STPG2: variants seen among roughly 807,000 people sequenced by gnomAD.
STPG2 encodes sperm tail PG-rich repeat containing 2.
STPG2 carries 56 observed loss-of-function variants against 54.2 expected under a neutral mutation model. That is an observed-to-expected ratio of 1.03 (90% CI 0.83 to 1.29). The LOEUF is 1.29. Among genes scored for constraint, STPG2 ranks in the 50% most tolerant of loss-of-function variants. STPG2 has a pLI of 0.00. For synonymous variants in STPG2, 200 were observed against 181.8 expected (o/e 1.10, Z -0.81); for missense variants, 596 against 544.9 (o/e 1.09, Z -0.93).
At chr4:97,958,077 G>A (rs539633363) in intron 7 of STPG2, among the ~76,000 whole-genome samples, 1 of 152,212 alleles carries the variant, frequency 6.6e-6, no homozygotes, top group Admixed American at 6.5e-5. Context: ...GGGAGGCAGA[G>A]GGGGGACAGA....
At chr4:97,486,827 G>GTATATA (rs773650944) in intron 4 of STPG2, among the ~76,000 whole-genome samples, 38 of 130,904 alleles carry the variant, frequency 2.9e-4, no homozygotes, top group African/African-American at 1.0e-3. Context: ...GTGTGTGTGT[G>GTATATA]TGTATATATA....
intron 10 of STPG2, among the ~76,000 whole-genome samples, chr4:97,575,525 T>G (rs1321856109): frequency 6.6e-6 from 1 of 152,098 alleles, no homozygotes; most frequent in Non-Finnish European, 1.5e-5. Flanking sequence ...AAAAACCACA[T>G]GATCATCTCA....
chr4:97,602,978 T>G (rs771618239), intron 10 of STPG2, among the ~76,000 whole-genome samples: 25 of 151,694 alleles, frequency 1.6e-4, no homozygotes, highest in Non-Finnish European at 8.9e-5. Context: ...ACAGTTTACA[T>G]TAAATTAGTT....
chr4:97,751,229 T>G (rs1302216596), intron 9 of STPG2, among the ~76,000 whole-genome samples: 1 of 151,842 alleles, frequency 6.6e-6, no homozygotes, highest in African/African-American at 2.4e-5. Context: ...TGTGCCTAGT[T>G]CCTCCTGGAT....
intron 3 of STPG2, among the ~76,000 whole-genome samples, chr4:98,117,813 G>A (rs1739564976): frequency 6.6e-6 from 1 of 151,780 alleles, no homozygotes; most frequent in Admixed American, 6.6e-5. Context: ...CTCTCTATTG[G>A]GTAAGGCACT....
At chr4:98,051,417 G>A (rs1221532714) in intron 5 of STPG2, among the ~76,000 whole-genome samples, 2 of 151,990 alleles carry the variant, frequency 1.3e-5, no homozygotes, top group African/African-American at 4.8e-5. Flanking sequence ...GATGGCATTG[G>A]GAAATGGGGC....
intron 9 of STPG2, among the ~76,000 whole-genome samples, chr4:97,742,309 A>G (rs889075239): frequency 3.3e-5 from 5 of 151,908 alleles, no homozygotes; most frequent in East Asian, 1.9e-4. Flanking sequence ...GCACATGTAT[A>G]CATATGTAAG....
At chr4:98,036,177 C>T (rs949930677) in intron 5 of STPG2, among the ~76,000 whole-genome samples, 2 of 151,686 alleles carry the variant, frequency 1.3e-5, no homozygotes, top group South Asian at 2.1e-4. Flanking sequence ...GTGAAGTTTT[C>T]GAGATAAAGG....
chr4:98,111,113 G>A (rs1739335213), intron 3 of STPG2, among the ~76,000 whole-genome samples: 2 of 151,600 alleles, frequency 1.3e-5, no homozygotes, highest in Admixed American at 1.3e-4. Context: ...AGTCTCAGCT[G>A]AACCCACTTA....
At chr4:97,923,143 C>T (rs1732174993) in intron 8 of STPG2, among the ~76,000 whole-genome samples, 1 of 152,394 alleles carries the variant, frequency 6.6e-6, no homozygotes, top group South Asian at 2.1e-4. Context: ...CCTGGGCGCC[C>T]ACTCTGGCCA....
chr4:97,963,483 T>G (rs1212290063), intron 7 of STPG2, among the ~76,000 whole-genome samples: 1 of 151,934 alleles, frequency 6.6e-6, no homozygotes, highest in East Asian at 1.9e-4. Flanking sequence ...TGAGACCTTG[T>G]CTCTATGAAA....
intron 9 of STPG2, among the ~76,000 whole-genome samples, chr4:97,766,140 AT>A (rs1222688741): frequency 6.6e-6 from 1 of 152,146 alleles, no homozygotes; most frequent in Non-Finnish European, 1.5e-5. Context: ...TATGATCTCT[AT>A]TTAAAACAAA....
At chr4:98,137,656 G>C (rs1740172011) in intron 1 of STPG2, among the ~76,000 whole-genome samples, 1 of 151,736 alleles carries the variant, frequency 6.6e-6, no homozygotes, top group Non-Finnish European at 1.5e-5. Context: ...GTTGGCATCA[G>C]AACACAGCAG....
chr4:97,678,124 T>C (rs1722911387), intron 10 of STPG2, among the ~76,000 whole-genome samples: 1 of 152,082 alleles, frequency 6.6e-6, no homozygotes, highest in Non-Finnish European at 1.5e-5. Context: ...TAAAAGGAAA[T>C]ACATGCTTCA....
At chr4:98,064,384 T>C (rs1006254446) in intron 5 of STPG2, among the ~76,000 whole-genome samples, 1 of 152,210 alleles carries the variant, frequency 6.6e-6, no homozygotes, top group Non-Finnish European at 1.5e-5. Flanking sequence ...CATAACATCA[T>C]TAATTCTTTC....
chr4:97,929,149 A>G (rs79813723), intron 8 of STPG2, among the ~76,000 whole-genome samples: 1 of 152,150 alleles, frequency 6.6e-6, no homozygotes, highest in African/African-American at 2.4e-5. Context: ...CTGTTCCTGC[A>G]TTAGTTTACT....
At chr4:97,900,984 T>C (rs1001625149) in intron 8 of STPG2, among the ~76,000 whole-genome samples, 1 of 151,920 alleles carries the variant, frequency 6.6e-6, no homozygotes, top group Non-Finnish European at 1.5e-5. Flanking sequence ...TATTTTGTTT[T>C]GATTTTGCAA....
intron 9 of STPG2, among the ~76,000 whole-genome samples, chr4:97,726,876 A>G (rs980423908): frequency 1.3e-5 from 2 of 151,632 alleles, no homozygotes; most frequent in Non-Finnish European, 3.0e-5. Context: ...GAATATACCT[A>G]TGTTGGCAAG....
At chr4:98,142,888 T>C (rs1740337899) in intron 1 of STPG2, among the ~76,000 whole-genome samples, 154 bp downstream of exon 1, 1 of 152,210 alleles carries the variant, frequency 6.6e-6, no homozygotes, top group South Asian at 2.1e-4. Flanking sequence ...ATCTGTAAAA[T>C]AAAAGTATAG....
Sources: allele counts gnomAD v4.1 joint callset (sites outside exome capture counted in the v4.1 genomes callset), GRCh38; gene constraint gnomAD v4.1.1; transcripts MANE v1.5; gene names NCBI Gene and HGNC (gene_info 2026-07-23, HGNC 2026-07-21).